Variants in FCHO2 observed in about 807,000 individuals in gnomAD.
FCHO2 encodes the protein F-BAR domain only protein 2.
A neutral mutation model predicts 114.1 loss-of-function variants in FCHO2; 43 were observed. The observed-to-expected ratio is 0.38, with a 90% CI of 0.30 to 0.49. FCHO2 has a LOEUF of 0.49. Ranked by LOEUF, FCHO2 falls within the 20% of genes least tolerant of loss-of-function variation. The pLI is 0.97. For synonymous variants in FCHO2, 293 were observed against 315.2 expected (o/e 0.93, Z 0.75); for missense variants, 807 against 950.4 (o/e 0.85, Z 1.98).
At chr5:73,048,340 T>G (rs1187854879) in intron 11 of FCHO2, among the ~76,000 whole-genome samples, 1 of 151,754 alleles carries the variant, frequency 6.6e-6, no homozygotes, top group Non-Finnish European at 1.5e-5. Context: ...ATCCCAGCTG[T>G]TAGGGAGGCT....
At chr5:73,034,558 TTAAAAG>T (rs1561465368) in intron 8 of FCHO2, 93 bp from the exon 9 acceptor site, 17 of 868,504 alleles carry the variant, frequency 2.0e-5, no homozygotes, top group Non-Finnish European at 3.0e-5. Flanking sequence ...GCGTTGTCAA[TTAAAAG>T]TAGAATAAAA....
intron 2 of FCHO2, among the ~76,000 whole-genome samples, chr5:72,981,155 T>A (rs1222284330): frequency 6.6e-6 from 1 of 152,234 alleles, no homozygotes; most frequent in African/African-American, 2.4e-5. Flanking sequence ...ATGAAATCTC[T>A]CAGCATTTGC....
In FCHO2 at chr5:73,078,188, C is replaced by T. The variant is rs1170887173; in HGVS notation, c.1856C>T (p.Ser619Leu). The change falls in exon 22 of 26, where the codon TCA becomes TTA. Residue 619 changes from serine to leucine, a missense_variant. Physicochemically the swap from Ser to Leu is moderately radical, Grantham distance 145 (BLOSUM62 -2). Coordinates refer to ENST00000430046, the MANE Select transcript of FCHO2 (RefSeq NM_138782.3). ...PNAQLVFSDP[S>L]QCDSNTKDFW... ...ATTTTTTATATATGTAGTGATCCAT[C>T]ACAATGTGATTCCAACACAAAAGAT... The T allele has an allele frequency of 5.1e-5, 80 of 1,553,744 alleles. No homozygotes were observed. Among genetic ancestry groups the T allele is most frequent in the Non-Finnish European group, 6.8e-5 (78 of 1,150,452 alleles).
At chr5:72,971,189 G>T (rs1752530705) in intron 2 of FCHO2, among the ~76,000 whole-genome samples, 1 of 151,834 alleles carries the variant, frequency 6.6e-6, no homozygotes, top group African/African-American at 2.4e-5. Flanking sequence ...ATAGCAGCAT[G>T]ATTTATAGTC....
chr5:72,963,581 C>T (rs973561215), intron 1 of FCHO2, among the ~76,000 whole-genome samples: 1 of 151,760 alleles, frequency 6.6e-6, no homozygotes, highest in South Asian at 2.1e-4. Context: ...CTTCCTCTGT[C>T]GCCCAGGCTG....
chr5:73,020,773 A>T, intron 8 of FCHO2: 2 of 1,027,758 alleles, frequency 1.9e-6, no homozygotes, highest in Non-Finnish European at 3.1e-6. Context: ...TGTGAGAGAT[A>T]TGGCACTGTC....
At position 73,080,172 on chromosome 5, in the gene FCHO2, G is replaced by A. The variant is rs118084216; in HGVS notation, c.1981-1611G>A. ...TAAGCAACATGTGAATAACTCAATA[G>A]ACAAATAACCTATGGAAAGATGCTT... is the stretch of plus-strand genomic sequence containing the variant. On this transcript the variant is annotated intron_variant, in intron 22 of 25. Coordinates refer to ENST00000430046, the MANE Select transcript of FCHO2 (RefSeq NM_138782.3). 1.6e-4 allele frequency among the ~76,000 whole-genome samples: 25 copies of A among 152,300 alleles called. No homozygotes were observed. In the East Asian group the frequency reaches 4.8e-3, roughly 29 times the overall value.
At chr5:72,996,981 G>A in intron 5 of FCHO2, 1 of 1,607,064 alleles carries the variant, frequency 6.2e-7, no homozygotes, top group Non-Finnish European at 8.5e-7. Flanking sequence ...GCCAAGCTCT[G>A]GAGCTTCTCC....
intron 15 of FCHO2, among the ~76,000 whole-genome samples, chr5:73,055,352 G>A (rs1003941127): frequency 6.6e-6 from 1 of 152,062 alleles, no homozygotes; most frequent in Non-Finnish European, 1.5e-5. Flanking sequence ...AGAGTGAATG[G>A]TTATCATGTA....
chr5:73,066,299 T>C (rs934521243), intron 18 of FCHO2, among the ~76,000 whole-genome samples: 1 of 151,946 alleles, frequency 6.6e-6, no homozygotes, highest in African/African-American at 2.4e-5. Flanking sequence ...TCAATATGAG[T>C]GCTCTGTCTT....
chr5:72,982,161 G>T lies in FCHO2; in HGVS notation c.126-7266G>T, dbSNP rs550860566. On this transcript the variant is annotated intron_variant, in intron 2 of 25. Coordinates refer to ENST00000430046, the MANE Select transcript of FCHO2 (RefSeq NM_138782.3). ...CCCTCATGCCTTCCCTTGGCTAGGG[G>T]AGAGAGTTCCTGACCCCTTGTGCTT... 3.9e-5 allele frequency among the ~76,000 whole-genome samples: 6 copies of T among 152,266 alleles called. No homozygotes were observed. In the South Asian group the frequency reaches 1.2e-3, roughly 32 times the overall value.
intron 9 of FCHO2, among the ~76,000 whole-genome samples, chr5:73,036,606 G>C: frequency 6.6e-6 from 1 of 151,664 alleles, no homozygotes; most frequent in East Asian, 2.0e-4. Context: ...GAACTTCTGA[G>C]TTCAAGTGAT....
chr5:72,979,641 T>C (rs1753088558), intron 2 of FCHO2, among the ~76,000 whole-genome samples: 1 of 151,904 alleles, frequency 6.6e-6, no homozygotes, highest in Non-Finnish European at 1.5e-5. Flanking sequence ...TCCGCCCGCC[T>C]CGGCCTCCCA....
At chr5:73,082,052 T>G in intron 23 of FCHO2, 70 bp downstream of exon 23, 2 of 1,326,792 alleles carry the variant, frequency 1.5e-6, no homozygotes, top group Non-Finnish European at 2.0e-6. Flanking sequence ...AGAACCCAAG[T>G]TCTGTAAGTT....
At chr5:73,071,777 A>G (rs1742667570) in intron 19 of FCHO2, among the ~76,000 whole-genome samples, 1 of 152,052 alleles carries the variant, frequency 6.6e-6, no homozygotes, top group Non-Finnish European at 1.5e-5. Flanking sequence ...GGAATATGCC[A>G]ACTGTTAAGT....
At chr5:73,078,934 T>G (rs562275536) in intron 22 of FCHO2, among the ~76,000 whole-genome samples, 1 of 152,338 alleles carries the variant, frequency 6.6e-6, no homozygotes, top group East Asian at 1.9e-4. Flanking sequence ...TCTAGTGACT[T>G]GAATATGGAA....
At chr5:73,077,174 T>C (rs1394649286) in intron 20 of FCHO2, among the ~76,000 whole-genome samples, 164 bp from the exon 21 acceptor site, 1 of 152,204 alleles carries the variant, frequency 6.6e-6, no homozygotes, top group African/African-American at 2.4e-5. Context: ...TTTTTAAAAA[T>C]TAAATTGAAA....
intron 1 of FCHO2, among the ~76,000 whole-genome samples, chr5:72,960,696 A>C (rs895669316): frequency 6.6e-6 from 1 of 152,166 alleles, no homozygotes; most frequent in African/African-American, 2.4e-5. Flanking sequence ...AAATGGCATT[A>C]TATTTTTATG....
chr5:72,992,855 TA>T (rs1198085040), intron 5 of FCHO2, among the ~76,000 whole-genome samples: 3 of 151,790 alleles, frequency 2.0e-5, no homozygotes. Flanking sequence ...TGGGTGAGCA[TA>T]AAGTATAAAG....
Sources: gnomAD v4.1 joint callset for allele counts (sites outside exome capture counted in the v4.1 genomes callset) on GRCh38, gnomAD v4.1.1 for gene constraint, MANE v1.5 for transcripts, NCBI Gene and HGNC (gene_info 2026-07-23, HGNC 2026-07-21) for gene names.